The following DOCK8 variants were observed in gnomAD, a reference collection of about 807,000 sequenced individuals.
The protein encoded by DOCK8 is dedicator of cytokinesis 8.
Under a neutral mutation model 245.6 loss-of-function variants are expected in DOCK8, and 141 were observed. That is an observed-to-expected ratio of 0.57 (90% confidence interval 0.50 to 0.66). The LOEUF is 0.66. Ranked by LOEUF, DOCK8 falls within the 30% of genes least tolerant of loss-of-function variation. The probability of loss-of-function intolerance (pLI) is 0.00; values close to 1 mark genes in which losing one functional copy is unlikely to be tolerated. For missense variants in DOCK8, 2,965 were observed against 2,603.4 expected (o/e 1.14, Z -3.02); for synonymous variants, 1,168 against 970.2 (o/e 1.20, Z -3.79).
intron 22 of DOCK8, among the ~76,000 whole-genome samples, chr9:384,466 G>A (rs2053862233): frequency 6.6e-6 from 1 of 152,188 alleles, no homozygotes; most frequent in Non-Finnish European, 1.5e-5. Context: ...TGTGAGGAAG[G>A]AAATCTGCAG....
chr9:416,019 A>G (rs940467963), intron 29 of DOCK8, among the ~76,000 whole-genome samples: 2 of 152,266 alleles, frequency 1.3e-5, no homozygotes, highest in African/African-American at 4.8e-5. Context: ...ATGAAAAGCA[A>G]GTATTCCTGT....
intron 6 of DOCK8, among the ~76,000 whole-genome samples, chr9:315,499 C>G (rs1026620314): frequency 6.6e-6 from 1 of 152,110 alleles, no homozygotes; most frequent in African/African-American, 2.4e-5. Flanking sequence ...TTGAAACTGA[C>G]AAAAATTATT....
intron 43 of DOCK8, among the ~76,000 whole-genome samples, chr9:444,522 C>T (rs1332641619): frequency 6.6e-6 from 1 of 151,992 alleles, no homozygotes; most frequent in South Asian, 2.1e-4. Context: ...GTGTGTTCTC[C>T]AACCAGGAAG....
chr9:461,375 A>G (rs962011384), intron 46 of DOCK8, among the ~76,000 whole-genome samples: 2 of 151,834 alleles, frequency 1.3e-5, no homozygotes, highest in Non-Finnish European at 2.9e-5. Context: ...TTATATCTCT[A>G]TGTTTCTTAA....
At chr9:304,837 C>G in intron 5 of DOCK8, 133 bp downstream of exon 5, 3 of 1,260,348 alleles carry the variant, frequency 2.4e-6, no homozygotes, top group East Asian at 2.4e-5. Context: ...CCATCTGAGT[C>G]AGTGATTTTT....
Position 325,673 on chromosome 9 carries a change from T to A in DOCK8, c.830T>A (p.Phe277Tyr). ...ATTTTCCTCTCTTTCTATGGTAGGT[T>A]CGAGATTGAAATTGAGCCCCTGTTT... ...RILVKLLTLK[F>Y]EIEIEPLFAS... Residue 277 changes from phenylalanine (F) to tyrosine (Y), a missense_variant and splice_region_variant, in exon 8 of 48, where the codon TTC (phenylalanine) becomes TAC (tyrosine). By Grantham distance (22) the Phe-to-Tyr change is conservative. This residue lies in a region of DOCK8 where 2,825 missense variants were observed against 2,453.5 expected (regional missense o/e 1.15). Coordinates refer to ENST00000432829, the MANE Select transcript of DOCK8 (RefSeq NM_203447.4). The A allele has an allele frequency of 6.2e-7, 1 of 1,613,900 alleles. No homozygotes were observed. Among genetic ancestry groups the A allele is most frequent in the Non-Finnish European group, 8.5e-7 (1 of 1,179,778 alleles).
chr9:292,835 C>T (rs1424138755), intron 4 of DOCK8, among the ~76,000 whole-genome samples: 1 of 151,994 alleles, frequency 6.6e-6, no homozygotes, highest in Non-Finnish European at 1.5e-5. Context: ...GATTCACAAA[C>T]TTATTATTAT....
At position 432,459 on chromosome 9, in the gene DOCK8, T is replaced by C. The variant is rs2056753892; in HGVS notation, c.4785+135T>C. Reference sequence around the variant, plus strand: ...GCAAGTATTTATTGTCCAATATGCATGTGCTCTCAGCACTCTGAGAGGTTT... The same window carrying C: ...GCAAGTATTTATTGTCCAATATGCACGTGCTCTCAGCACTCTGAGAGGTTT... On this transcript the variant is annotated intron_variant, in intron 37 of 47. Coordinates refer to ENST00000432829, the MANE Select transcript of DOCK8 (RefSeq NM_203447.4). The C allele has an allele frequency of 8.1e-6, 7 of 862,408 alleles. No homozygotes were observed. The South Asian group carries it at 1.3e-4, about 16-fold the overall frequency. 53.4% of individuals were successfully genotyped at this position (862,408 alleles called of 1,614,324 possible). A position where few individuals can be genotyped will look rare whatever the true frequency, so the allele number is the denominator to read the frequency against.
At chr9:255,407 C>A (rs953248180) in intron 1 of DOCK8, among the ~76,000 whole-genome samples, 2 of 152,124 alleles carry the variant, frequency 1.3e-5, no homozygotes, top group Non-Finnish European at 2.9e-5. Flanking sequence ...GTGGCTCATG[C>A]CTGTAATCCC....
Position 334,245 on chromosome 9 carries a change from A to G in DOCK8, c.1146A>G (p.Lys382=). ...DGGKSKEKIE[K]LKLQAESFCQ... ...TCCAGAGTAAAGAAAAGATTGAAAA[A>G]CTAAAACTCCAAGCTGAATCCTTCT... Residue 382 remains lysine (K), a synonymous_variant, in exon 11 of 48, where the codon AAA becomes AAG. Transcript: ENST00000432829. 1.9e-6 allele frequency: 3 copies of G among 1,614,210 alleles called. No individual in the cohort carries two copies. The highest frequency in any genetic ancestry group is 2.5e-6 in the Non-Finnish European group (3 of 1,180,030).
intron 26 of DOCK8, among the ~76,000 whole-genome samples, chr9:402,482 A>G (rs1461706930): frequency 6.6e-6 from 1 of 152,202 alleles, no homozygotes; most frequent in Non-Finnish European, 1.5e-5. Context: ...AGTGACATCC[A>G]CGGATGTTAC....
Position 339,047 on chromosome 9 carries a change from A to T in DOCK8, c.1464A>T (p.Leu488Phe). The T allele has an allele frequency of 6.2e-7, 1 of 1,614,168 alleles. No individual in the cohort carries two copies. Among genetic ancestry groups the T allele is most frequent in the Non-Finnish European group, 8.5e-7 (1 of 1,180,030 alleles). ...GCGATGAAGACTTATTCAAGTTTTT[A>T]GCTGACTACAAAAGATCATCATCCT... is the stretch of plus-strand genomic sequence containing the variant. ...RLSDEDLFKFLADYKRSSSLQ... is the reference protein window; with the variant it reads ...RLSDEDLFKFFADYKRSSSLQ... Residue 488 changes from leucine to phenylalanine, a missense_variant, in exon 13 of 48, where the codon TTA becomes TTT. Coordinates refer to ENST00000432829, the MANE Select transcript of DOCK8 (RefSeq NM_203447.4).
In DOCK8 at chr9:216,029, T is replaced by A. The variant is rs146559985; in HGVS notation, c.53+1000T>A. 1.3e-3 allele frequency among the ~76,000 whole-genome samples: 204 copies of A among 152,248 alleles called. 1 individual carries two copies. Among genetic ancestry groups the A allele is most frequent in the African/African-American group, 4.5e-3 (188 of 41,532 alleles). ...TTTGTGCTGTTAGTGTGTGAAGAGG[T>A]TTGAACAAGGAATTAAAAGCCTAGA... On this transcript the variant is annotated intron_variant, in intron 1 of 47. Transcript: ENST00000432829.
Position 269,817 on chromosome 9 carries a change from C to T in DOCK8, c.54-1810C>T, listed in dbSNP as rs150366560. 5.5e-3 allele frequency among the ~76,000 whole-genome samples: 837 copies of T among 152,266 alleles called. 11 individuals carry two copies. The highest frequency in any genetic ancestry group is 0.019 in the African/African-American group (804 of 41,534). On this transcript the variant is annotated intron_variant, in intron 1 of 47. Coordinates refer to ENST00000432829, the MANE Select transcript of DOCK8 (RefSeq NM_203447.4). ...AAGTGATCTGCCCACTTCAGCCCCCCAAAATGCTGGGATTACAGGTGTGAG... is the reference window on the plus strand; with the variant it reads ...AAGTGATCTGCCCACTTCAGCCCCCTAAAATGCTGGGATTACAGGTGTGAG...
chr9:388,172 T>TG lies in DOCK8; in HGVS notation c.2874+1747dup, dbSNP rs2054033035. Among the ~76,000 whole-genome samples, 3 of 152,160 alleles carry TG rather than the reference T, an allele frequency of 2.0e-5. No individual in the cohort carries two copies. In the South Asian group the frequency reaches 6.2e-4, roughly 32 times the overall value. On this transcript the variant is annotated intron_variant, in intron 23 of 47. Transcript: ENST00000432829. Reference sequence around the variant, plus strand: ...CTGGGGGAGCATGTCTTTCCTACAATGAGAAGATCAAGGTGTAGTCCAGTT... The same window carrying TG: ...CTGGGGGAGCATGTCTTTCCTACAATGGAGAAGATCAAGGTGTAGTCCAGTT...
intron 22 of DOCK8, among the ~76,000 whole-genome samples, chr9:385,670 A>ACCC (rs945425484): frequency 3.3e-5 from 5 of 151,958 alleles, no homozygotes; most frequent in Non-Finnish European, 1.5e-5. Flanking sequence ...AATTACCCCT[A>ACCC]CCCCCCTGAC....
At chr9:411,258 C>T (rs2055712170) in intron 28 of DOCK8, among the ~76,000 whole-genome samples, 1 of 151,900 alleles carries the variant, frequency 6.6e-6, no homozygotes, top group Non-Finnish European at 1.5e-5. Flanking sequence ...ACTAAAAATA[C>T]AAAAATTAGC....
intron 14 of DOCK8, among the ~76,000 whole-genome samples, chr9:346,482 A>C (rs1181824296): frequency 6.6e-6 from 1 of 151,530 alleles, no homozygotes; most frequent in African/African-American, 2.4e-5. Context: ...CGTCCCTTTA[A>C]TGGGTGATTA....
chr9:430,552 C>G (rs1181158012), intron 36 of DOCK8, among the ~76,000 whole-genome samples: 3 of 151,662 alleles, frequency 2.0e-5, no homozygotes, highest in Admixed American at 2.0e-4. Flanking sequence ...TGGTGGCACA[C>G]ACGCCCGTAA....
Sources: allele counts gnomAD v4.1 joint callset (sites outside exome capture counted in the v4.1 genomes callset), GRCh38; gene constraint gnomAD v4.1.1; regional missense constraint gnomAD v4.1.1; transcripts MANE v1.5; gene names NCBI Gene and HGNC (gene_info 2026-07-23, HGNC 2026-07-21).